GNB5: variants seen among roughly 807,000 people sequenced by gnomAD.
GNB5 encodes the protein G protein subunit beta 5, also known as guanine nucleotide-binding protein subunit beta-5.
In GNB5, 37 loss-of-function variants were observed where a neutral mutation model predicts 55.3. That is an observed-to-expected ratio of 0.67 (90% CI 0.51 to 0.88). GNB5 has a LOEUF of 0.88. GNB5 is among the 40% of genes least tolerant of loss of function. The probability of loss-of-function intolerance (pLI) is 0.00; values close to 1 mark genes in which losing one functional copy is unlikely to be tolerated. For synonymous variants in GNB5, 219 were observed against 198.5 expected, an observed-to-expected ratio of 1.10 and a Z score of -0.87; for missense variants, 476 against 515.3, an observed-to-expected ratio of 0.92 and a Z score of 0.74.
intron 7 of GNB5, among the ~76,000 whole-genome samples, chr15:52,136,172 A>ACACACACACCCC (rs1168734914): frequency 2.1e-4 from 21 of 100,116 alleles, no homozygotes; most frequent in African/African-American, 7.0e-4. Flanking sequence ...ACACACACAC[A>ACACACACACCCC]CCCTACCTGC....
At chr15:52,170,356 T>C (rs1463767504) in intron 3 of GNB5, among the ~76,000 whole-genome samples, 1 of 152,174 alleles carries the variant, frequency 6.6e-6, no homozygotes, top group African/African-American at 2.4e-5. Context: ...ATGTGGTACA[T>C]ACATACCATG....
At chr15:52,177,001 C>T (rs536625187) in intron 3 of GNB5, among the ~76,000 whole-genome samples, 1 of 151,894 alleles carries the variant, frequency 6.6e-6, no homozygotes, top group African/African-American at 2.4e-5. Context: ...AAACACACCC[C>T]CTCCTGGGGC....
intron 3 of GNB5, among the ~76,000 whole-genome samples, chr15:52,175,915 G>A (rs1242105030): frequency 1.3e-5 from 2 of 152,024 alleles, no homozygotes; most frequent in Non-Finnish European, 2.9e-5. Context: ...CAGGTGTGAT[G>A]GCATGTGCCT....
At chr15:52,124,367 C>G (rs781584111) in intron 12 of GNB5, 106 bp downstream of exon 12, 1 of 881,290 alleles carries the variant, frequency 1.1e-6, no homozygotes, top group Non-Finnish European at 1.8e-6. Flanking sequence ...CGAGGCTGAC[C>G]AGGCCCACCT....
chr15:52,155,344 CT>C (rs2034185164), intron 3 of GNB5, among the ~76,000 whole-genome samples: 2 of 152,206 alleles, frequency 1.3e-5, no homozygotes, highest in African/African-American at 4.8e-5. Context: ...AAATGGAAGC[CT>C]GTGCCGAGAG....
chr15:52,143,038 C>T lies in GNB5; in HGVS notation c.495-1766G>A, dbSNP rs554152133. ...GGCAAGGTGGCAGGTGCCTGTAATC[C>T]CAGCTACTTGGGAGGCTGAGGCAGG... On this transcript the variant is annotated intron_variant, in intron 6 of 12. Transcript: ENST00000261837. Among the ~76,000 whole-genome samples the T allele has an allele frequency of 5.9e-5, 9 of 152,016 alleles. No homozygotes were observed. The East Asian group carries it at 1.4e-3, about 23-fold the overall frequency.
intron 2 of GNB5, among the ~76,000 whole-genome samples, chr15:52,183,363 GTTTATT>G (rs997335010): frequency 3.3e-5 from 5 of 151,762 alleles, no homozygotes; most frequent in African/African-American, 1.2e-4. Flanking sequence ...CAGAAAGCAG[GTTTATT>G]TTTAAGAACT....
At position 52,154,028 on chromosome 15, in the gene GNB5, T is replaced by C. The variant is rs2034156224; in HGVS notation, c.287A>G (p.Lys96Arg). The C allele has an allele frequency of 6.2e-7, 1 of 1,614,134 alleles. No homozygotes were observed. The highest frequency in any genetic ancestry group is 8.5e-7 in the Non-Finnish European group (1 of 1,179,964). Residue 96 changes from lysine (K) to arginine (R), a missense_variant, in exon 4 of 13, where the codon AAG becomes AGG. Lys to Arg is a conservative substitution (Grantham distance 26, BLOSUM62 2). Transcript: ENST00000261837. ...RVEALGQFVMKTRRTLKGHGN... is the reference protein window; with the variant it reads ...RVEALGQFVMRTRRTLKGHGN... ...GTGGCCTTTGAGGGTCCTTCTGGTC[T>C]TCATGACAAACTGCCCCAGGGCCTC...
chr15:52,179,936 G>A lies in GNB5; in HGVS notation c.127-57C>T, dbSNP rs560257160. The stretch of plus-strand genomic sequence containing the variant: ...GGAGAGCGGGAATGCGCTGAGCCGC[G>A]GCGGGCGCCGCTCCAGCAGCCGTCC... On this transcript the variant is annotated intron_variant, in intron 2 of 12. Coordinates refer to ENST00000261837, the MANE Select transcript of GNB5 (RefSeq NM_016194.4). The A allele has an allele frequency of 3.5e-3, 5,004 of 1,441,872 alleles. 23 individuals carry two copies. The highest frequency in any genetic ancestry group is 4.2e-3 in the South Asian group (313 of 75,194). 89.3% of individuals were successfully genotyped at this position (1,441,872 alleles called of 1,614,324 possible). A position where few individuals can be genotyped will look rare whatever the true frequency, so the allele number is the denominator to read the frequency against.
intron 3 of GNB5, among the ~76,000 whole-genome samples, chr15:52,154,797 C>T (rs1025688296): frequency 1.3e-5 from 2 of 152,224 alleles, no homozygotes; most frequent in Non-Finnish European, 2.9e-5. Flanking sequence ...CTAGTGTCCA[C>T]AGAAATCAAT....
intron 3 of GNB5, among the ~76,000 whole-genome samples, chr15:52,176,653 C>T (rs1267846631): frequency 2.6e-5 from 4 of 152,198 alleles, no homozygotes; most frequent in Non-Finnish European, 5.9e-5. Flanking sequence ...GCAAGTGGCA[C>T]GCAAGGTAGG....
intron 7 of GNB5, chr15:52,140,031 G>T: frequency 1.8e-6 from 2 of 1,086,010 alleles, no homozygotes; most frequent in Non-Finnish European, 2.3e-6. Context: ...GCCCCCTGGT[G>T]AACAAGTCTG....
chr15:52,138,033 T>C, intron 7 of GNB5: 1 of 1,024,752 alleles, frequency 9.8e-7, no homozygotes, highest in Non-Finnish European at 1.3e-6. Context: ...TTCCAGCTGC[T>C]GATGGGATCT....
At chr15:52,158,350 A>G (rs1197763600) in intron 3 of GNB5, among the ~76,000 whole-genome samples, 5 of 152,220 alleles carry the variant, frequency 3.3e-5, no homozygotes, top group African/African-American at 1.2e-4. Flanking sequence ...TGGCTATGAC[A>G]TTCTCCAGCA....
In GNB5 at chr15:52,179,773, A is replaced by C; in HGVS notation, c.233T>G (p.Val78Gly). ...LEEERAKLHD[V>G]ELHQVAERVE... The stretch of plus-strand genomic sequence containing the variant: ...GCCTCCCGGCCCGCACTCACGCTCC[A>C]CATCGTGCAGCTTGGCTCGCTCCTC... The change falls in exon 3 of 13, where the codon GTG becomes GGG. Residue 78 changes from valine (V) to glycine (G), a missense_variant. Transcript: ENST00000261837. 6.8e-7 allele frequency: 1 copy of C among 1,475,236 alleles called. No homozygotes were observed. Among genetic ancestry groups the C allele is most frequent in the Non-Finnish European group, 9.0e-7 (1 of 1,109,060 alleles). The allele number at this position is 1,475,236 out of a possible 1,614,324, so 91.4% of individuals were successfully genotyped here. A position where few individuals can be genotyped will look rare whatever the true frequency, so the allele number is the denominator to read the frequency against.
intron 9 of GNB5, 72 bp downstream of exon 9, chr15:52,133,306 T>C (rs2033624826): frequency 9.5e-7 from 1 of 1,048,456 alleles, no homozygotes; most frequent in Non-Finnish European, 1.5e-6. Context: ...AGGCGGTTCC[T>C]GGGCTAAGGA....
At chr15:52,123,927 C>T (rs763828964) in intron 12 of GNB5, among the ~76,000 whole-genome samples, 3 of 141,016 alleles carry the variant, frequency 2.1e-5, no homozygotes, top group Non-Finnish European at 4.5e-5. Context: ...ATGAAAGCCA[C>T]GAGGACAAAA....
intron 7 of GNB5, chr15:52,137,685 T>C (rs2033756875): frequency 8.4e-7 from 1 of 1,185,090 alleles, no homozygotes; most frequent in Admixed American, 3.7e-5. Flanking sequence ...GCCTGGGCTC[T>C]GGCTGAGCAT....
intron 2 of GNB5, chr15:52,180,796 T>C (rs187357427): frequency 1.4e-4 from 21 of 152,354 alleles, no homozygotes; most frequent in African/African-American, 4.3e-4. Flanking sequence ...CTGTTCTAAG[T>C]GCTTTAATTT....
Sources: gnomAD v4.1 joint callset for allele counts (sites outside exome capture counted in the v4.1 genomes callset) on GRCh38, gnomAD v4.1.1 for gene constraint, MANE v1.5 for transcripts, NCBI Gene and HGNC (gene_info 2026-07-23, HGNC 2026-07-21) for gene names.